PACS1: variants seen among roughly 807,000 people sequenced by gnomAD.
The protein encoded by PACS1 is phosphofurin acidic cluster sorting protein 1, also known as PACS-1.
In PACS1, 24 loss-of-function variants were observed where a neutral mutation model predicts 115.0. The observed-to-expected ratio is 0.21, with a 90% confidence interval of 0.15 to 0.29. The LOEUF is 0.29. Among genes scored for constraint, PACS1 ranks in the 10% least tolerant of loss-of-function variants. The pLI is 1.00. For missense variants in PACS1, 838 were observed against 1,251.2 expected, an observed-to-expected ratio of 0.67 and a Z score of 4.98; for synonymous variants, 453 against 504.5, an observed-to-expected ratio of 0.90 and a Z score of 1.37.
chr11:66,097,933 C>T (rs1857823574), intron 1 of PACS1, among the ~76,000 whole-genome samples: 1 of 152,182 alleles, frequency 6.6e-6, no homozygotes, highest in Non-Finnish European at 1.5e-5. Flanking sequence ...AATCCCGGCA[C>T]TTTGGGGGCC....
At chr11:66,125,613 G>T (rs1177178623) in intron 1 of PACS1, among the ~76,000 whole-genome samples, 1 of 152,200 alleles carries the variant, frequency 6.6e-6, no homozygotes, top group Admixed American at 6.5e-5. Context: ...GATTCAAGTA[G>T]AGTAACCAGG....
chr11:66,133,653 C>A (rs778769201), intron 1 of PACS1, among the ~76,000 whole-genome samples: 8 of 152,172 alleles, frequency 5.3e-5, no homozygotes, highest in Non-Finnish European at 8.8e-5. Flanking sequence ...TAGGCACACA[C>A]CACTACACCC....
At chr11:66,113,217 C>G (rs1377962886) in intron 1 of PACS1, among the ~76,000 whole-genome samples, 1 of 152,194 alleles carries the variant, frequency 6.6e-6, no homozygotes, top group Non-Finnish European at 1.5e-5. Flanking sequence ...GAACTGGTGT[C>G]TGACATTTAA....
chr11:66,208,952 T>G (rs1247868560), intron 2 of PACS1, among the ~76,000 whole-genome samples: 1 of 152,216 alleles, frequency 6.6e-6, no homozygotes, highest in African/African-American at 2.4e-5. Context: ...TTTATTGGTA[T>G]TAATTTTAAA....
At chr11:66,157,959 T>C (rs1164869981) in intron 1 of PACS1, among the ~76,000 whole-genome samples, 6 of 152,196 alleles carry the variant, frequency 3.9e-5, no homozygotes, top group Non-Finnish European at 7.3e-5. Flanking sequence ...GTTAGCTCTT[T>C]AGCACCTCTT....
At chr11:66,120,778 C>T (rs1424593844) in intron 1 of PACS1, among the ~76,000 whole-genome samples, 2 of 152,188 alleles carry the variant, frequency 1.3e-5, no homozygotes, top group African/African-American at 2.4e-5. Flanking sequence ...TAGTGCCACT[C>T]TAAAGTTTCA....
chr11:66,125,519 T>C (rs1858551189), intron 1 of PACS1, among the ~76,000 whole-genome samples: 1 of 152,200 alleles, frequency 6.6e-6, no homozygotes, highest in African/African-American at 2.4e-5. Context: ...TTGAAGATGT[T>C]CTGGATTCAG....
chr11:66,078,132 C>T (rs1481112289), intron 1 of PACS1, among the ~76,000 whole-genome samples: 2 of 152,214 alleles, frequency 1.3e-5, no homozygotes, highest in Admixed American at 1.3e-4. Flanking sequence ...TGTCCACTCT[C>T]AGATCAACCT....
intron 1 of PACS1, among the ~76,000 whole-genome samples, chr11:66,118,088 G>C (rs1467692585): frequency 6.6e-6 from 1 of 152,202 alleles, no homozygotes; most frequent in Non-Finnish European, 1.5e-5. Context: ...CGTATGTTTG[G>C]ATTATTCATC....
At chr11:66,176,526 G>A (rs1354723580) in intron 1 of PACS1, among the ~76,000 whole-genome samples, 3 of 151,188 alleles carry the variant, frequency 2.0e-5, no homozygotes. Flanking sequence ...GGATTCTCCT[G>A]CCTCAGCCTC....
rs1330757256 is a variant in PACS1 at position 66,216,147 on chromosome 11, T to C, written c.689T>C (p.Leu230Pro). 1 of 1,613,932 alleles carries C rather than the reference T, an allele frequency of 6.2e-7. No individual in the cohort carries two copies. The highest frequency in any genetic ancestry group is 8.5e-7 in the Non-Finnish European group (1 of 1,180,020). Residue 230 changes from leucine (L) to proline (P), a missense_variant, in exon 5 of 24, where the codon CTG (leucine) becomes CCG (proline). Leu to Pro is a moderately conservative substitution (Grantham distance 98). This residue lies in a region of PACS1 where 223 missense variants were observed against 354.0 expected (regional missense o/e 0.63). Transcript: ENST00000320580. ...ATGCAGCATCCTAATGAAGGCGCAC[T>C]GGTGCTTGGCCTACACAGCAACGTG... is the stretch of plus-strand genomic sequence containing the variant. Reference protein sequence around the residue: ...EVMQHPNEGALVLGLHSNVKD... With the variant: ...EVMQHPNEGAPVLGLHSNVKD...
At position 66,071,959 on chromosome 11, in the gene PACS1, G is replaced by A. The variant is rs183827796; in HGVS notation, c.356+1117G>A. 7.0e-4 allele frequency among the ~76,000 whole-genome samples: 106 copies of A among 152,196 alleles called. 1 individual carries two copies. The highest frequency in any genetic ancestry group is 1.9e-4 in the East Asian group (1 of 5,188). ...TCAGCTTAAGGAACAGAGCATTATC[G>A]CTTCTGTTGAAGCTCTCAGGGTGCC... is the stretch of plus-strand genomic sequence containing the variant. On this transcript the variant is annotated intron_variant, in intron 1 of 23. Coordinates refer to ENST00000320580, the MANE Select transcript of PACS1 (RefSeq NM_018026.4).
At chr11:66,075,737 CCTT>C (rs1448602215) in intron 1 of PACS1, among the ~76,000 whole-genome samples, 1 of 148,184 alleles carries the variant, frequency 6.7e-6, no homozygotes, top group Non-Finnish European at 1.5e-5. Flanking sequence ...CATTAAAAGT[CCTT>C]TTTTTTTTTT....
At chr11:66,195,212 T>G (rs1854622548) in intron 2 of PACS1, among the ~76,000 whole-genome samples, 1 of 152,160 alleles carries the variant, frequency 6.6e-6, no homozygotes. Flanking sequence ...AGACTCCATC[T>G]CAAAACAACA....
At chr11:66,122,304 A>T (rs565295181) in intron 1 of PACS1, among the ~76,000 whole-genome samples, 2 of 152,370 alleles carry the variant, frequency 1.3e-5, no homozygotes, top group African/African-American at 4.8e-5. Flanking sequence ...TCAAAATATT[A>T]CTGCTCATTG....
At chr11:66,203,067 A>G (rs1313399198) in intron 2 of PACS1, among the ~76,000 whole-genome samples, 1 of 152,100 alleles carries the variant, frequency 6.6e-6, no homozygotes, top group Non-Finnish European at 1.5e-5. Context: ...GAAGAAATCA[A>G]ATTATCCTTG....
At chr11:66,230,980 A>AT in intron 13 of PACS1, 40 bp downstream of exon 13, 1 of 1,611,918 alleles carries the variant, frequency 6.2e-7, no homozygotes, top group African/African-American at 1.3e-5. Flanking sequence ...ACCCTCTGAG[A>AT]TTCCCTGAAC....
In PACS1 at chr11:66,070,355, A is replaced by G; in HGVS notation, c.-132A>G. 1.5e-5 allele frequency: 6 copies of G among 403,264 alleles called. No individual in the cohort carries two copies. The highest frequency in any genetic ancestry group is 2.3e-5 in the Non-Finnish European group (6 of 263,194). 25.0% of individuals were successfully genotyped at this position (403,264 alleles called of 1,614,324 possible). ...GCCCAGAGGCCCCGCGCGTGCGTGC[A>G]GCTCGCTGGCTGCTCGCGCTCGGGC... On this transcript the variant is annotated 5_prime_UTR_variant, in exon 1 of 24. Coordinates refer to ENST00000320580, the MANE Select transcript of PACS1 (RefSeq NM_018026.4). This position sits in a 1 kb window ranked among gnomAD's most constrained non-coding sequence, Gnocchi z 5.9.
chr11:66,223,227 G>A (rs1289641557), intron 10 of PACS1, among the ~76,000 whole-genome samples: 1 of 151,992 alleles, frequency 6.6e-6, no homozygotes, highest in East Asian at 1.9e-4. Context: ...CGAGTAGCTG[G>A]GACTGCAGGC....
Sources: allele counts gnomAD v4.1 joint callset (sites outside exome capture counted in the v4.1 genomes callset), GRCh38; gene constraint gnomAD v4.1.1; regional missense constraint gnomAD v4.1.1; non-coding constraint Gnocchi (gnomAD v3.1); transcripts MANE v1.5; gene names NCBI Gene and HGNC (gene_info 2026-07-23, HGNC 2026-07-21).